The following PPM1H variants were observed in gnomAD, a reference collection of about 807,000 sequenced individuals.
PPM1H encodes the protein protein phosphatase, Mg2+/Mn2+ dependent 1H.
A neutral mutation model predicts 54.9 loss-of-function variants in PPM1H; 27 were observed. The ratio of observed to expected loss-of-function variants is 0.49; its 90% confidence interval spans 0.36 to 0.68. The LOEUF is 0.68. Among genes scored for constraint, PPM1H ranks in the 30% least tolerant of loss-of-function variants. The pLI, the probability that PPM1H is intolerant of heterozygous loss-of-function variation, is 0.00. For synonymous variants in PPM1H, 305 were observed against 270.8 expected (o/e 1.13, Z -1.24); for missense variants, 596 against 667.8 (o/e 0.89, Z 1.19).
intron 1 of PPM1H, among the ~76,000 whole-genome samples, chr12:62,932,081 A>C (rs1260159170): frequency 6.9e-6 from 1 of 144,328 alleles, no homozygotes; most frequent in East Asian, 2.2e-4. Context: ...AGAGGGGCTG[A>C]CTTTTTTTTT....
At chr12:62,754,488 G>C (rs2076459120) in intron 4 of PPM1H, among the ~76,000 whole-genome samples, 1 of 152,158 alleles carries the variant, frequency 6.6e-6, no homozygotes, top group Non-Finnish European at 1.5e-5. Flanking sequence ...AATGGTTTGA[G>C]CCCAGGAGGT....
chr12:62,697,548 T>C (rs965912821), intron 6 of PPM1H, among the ~76,000 whole-genome samples: 85 of 152,278 alleles, frequency 5.6e-4, no homozygotes, highest in African/African-American at 2.0e-3. Flanking sequence ...TTGGAAGGCC[T>C]GTCTGTTTTA....
At chr12:62,728,593 G>T (rs1157423432) in intron 5 of PPM1H, among the ~76,000 whole-genome samples, 1 of 152,222 alleles carries the variant, frequency 6.6e-6, no homozygotes, top group Non-Finnish European at 1.5e-5. Flanking sequence ...GAACCTTCCA[G>T]TAAGCCTCTC....
chr12:62,921,708 C>T (rs1204101028), intron 1 of PPM1H, among the ~76,000 whole-genome samples: 1 of 152,098 alleles, frequency 6.6e-6, no homozygotes, highest in Non-Finnish European at 1.5e-5. Context: ...ATCACTTGAG[C>T]CCATAGGGTG....
intron 4 of PPM1H, among the ~76,000 whole-genome samples, chr12:62,749,368 C>A (rs567994935): frequency 2.6e-5 from 4 of 152,156 alleles, no homozygotes; most frequent in African/African-American, 4.8e-5. Flanking sequence ...TTCGGAAAAC[C>A]CTTTTTGACA....
chr12:62,695,442 C>T (rs1031640953), intron 6 of PPM1H, among the ~76,000 whole-genome samples: 76 of 152,140 alleles, frequency 5.0e-4, no homozygotes, highest in African/African-American at 1.8e-3. Flanking sequence ...GTACTTAGCA[C>T]TGTGCCTGGC....
rs866228272 is a variant in PPM1H, at chr12:62,901,736, T to C, written c.245+32756A>G. On this transcript the variant is annotated intron_variant, in intron 1 of 9. Transcript: ENST00000228705. ...CAATTAATGACTATTAAAATGCTTT[T>C]AGGTGCCATGGTAGGAAGTCCCTGA... is the stretch of plus-strand genomic sequence containing the variant. Among the ~76,000 whole-genome samples, 41 of 152,308 alleles carry C rather than the reference T, an allele frequency of 2.7e-4. No individual in the cohort carries two copies. The Middle Eastern group carries it at 0.014, about 51-fold the overall frequency.
chr12:62,915,311 C>T (rs1165382747), intron 1 of PPM1H, among the ~76,000 whole-genome samples: 2 of 152,204 alleles, frequency 1.3e-5, no homozygotes, highest in African/African-American at 2.4e-5. Flanking sequence ...GTGCCTGCAG[C>T]GCCTGCAGCC....
intron 1 of PPM1H, among the ~76,000 whole-genome samples, chr12:62,923,161 T>A (rs772575): frequency 0.53 from 81,254 of 151,970 alleles, 22,051 homozygotes; most frequent in East Asian, 0.66. Flanking sequence ...CTTATTTTTT[T>A]ATTTTTCTAT....
chr12:62,774,726 C>A (rs1485308980), intron 4 of PPM1H, among the ~76,000 whole-genome samples: 4 of 152,150 alleles, frequency 2.6e-5, no homozygotes, highest in Admixed American at 6.5e-5. Flanking sequence ...ACATTCTTAG[C>A]AATCCCCTAA....
At chr12:62,694,692 C>G (rs2076104075) in intron 6 of PPM1H, among the ~76,000 whole-genome samples, 1 of 152,184 alleles carries the variant, frequency 6.6e-6, no homozygotes, top group Non-Finnish European at 1.5e-5. Flanking sequence ...AAAAAACAAA[C>G]AAGCGAACAA....
Position 62,667,332 on chromosome 12 carries a change from G to A in PPM1H, c.1246-3C>T, listed in dbSNP as rs1202824558. On this transcript the variant is annotated splice_polypyrimidine_tract_variant and splice_region_variant and intron_variant, in intron 8 of 9. Coordinates refer to ENST00000228705, the MANE Select transcript of PPM1H (RefSeq NM_020700.2). ...TTTGAAAGATCGTAGATTCTTACCT[G>A]AAAAAAAACAAGAATACTACCACTT... is the stretch of plus-strand genomic sequence containing the variant. 1.3e-6 allele frequency: 2 copies of A among 1,561,980 alleles called. No homozygotes were observed. Among genetic ancestry groups the A allele is most frequent in the Non-Finnish European group, 8.7e-7 (1 of 1,153,568 alleles).
At chr12:62,860,192 G>A (rs1046239034) in intron 1 of PPM1H, among the ~76,000 whole-genome samples, 1 of 152,252 alleles carries the variant, frequency 6.6e-6, no homozygotes, top group African/African-American at 2.4e-5. Context: ...AAAGCAAAGG[G>A]GGGAAAGTCC....
chr12:62,663,284 C>T (rs1002914358), intron 9 of PPM1H, among the ~76,000 whole-genome samples: 2 of 151,818 alleles, frequency 1.3e-5, no homozygotes, highest in African/African-American at 4.8e-5. Flanking sequence ...GTTGGTCCTA[C>T]CATTGGAGTT....
intron 1 of PPM1H, among the ~76,000 whole-genome samples, chr12:62,882,067 A>C (rs1870416088): frequency 6.6e-6 from 1 of 152,272 alleles, no homozygotes; most frequent in African/African-American, 2.4e-5. Context: ...AAAGTAAGTC[A>C]AATACTGGAA....
chr12:62,798,319 G>A (rs930821621), intron 3 of PPM1H, among the ~76,000 whole-genome samples: 5 of 152,194 alleles, frequency 3.3e-5, no homozygotes, highest in Admixed American at 6.5e-5. Context: ...AACACTTTGC[G>A]TGAGGTAAGG....
At chr12:62,918,446 C>CT (rs1459193519) in intron 1 of PPM1H, among the ~76,000 whole-genome samples, 1 of 152,174 alleles carries the variant, frequency 6.6e-6, no homozygotes, top group African/African-American at 2.4e-5. Context: ...AGCAATAATG[C>CT]TTTTTAATCA....
At chr12:62,899,517 C>T (rs572935024) in intron 1 of PPM1H, among the ~76,000 whole-genome samples, 38 of 152,272 alleles carry the variant, frequency 2.5e-4, no homozygotes, top group African/African-American at 8.7e-4. Flanking sequence ...ACCTCAGAGA[C>T]GCACCCCTCT....
chr12:62,650,366 T>C (rs1214833235), intron 9 of PPM1H, among the ~76,000 whole-genome samples: 2 of 152,210 alleles, frequency 1.3e-5, no homozygotes, highest in Admixed American at 6.5e-5. Flanking sequence ...AGAATTATCA[T>C]CTTTGAGGCA....
Sources: gnomAD v4.1 joint callset for allele counts (sites outside exome capture counted in the v4.1 genomes callset) on GRCh38, gnomAD v4.1.1 for gene constraint, MANE v1.5 for transcripts, NCBI Gene and HGNC (gene_info 2026-07-23, HGNC 2026-07-21) for gene names.